Variants in DNAH14 observed in about 807,000 individuals in gnomAD.
The protein encoded by DNAH14 is axonemal beta dynein heavy chain 14.
In DNAH14, 478 loss-of-function variants were observed where a neutral mutation model predicts 520.9. The observed-to-expected ratio is 0.92, with a 90% CI of 0.85 to 0.99. DNAH14 has a LOEUF of 0.99. Among genes scored for constraint, DNAH14 ranks in the 50% least tolerant of loss-of-function variants. The pLI is 0.00. For missense variants in DNAH14, 4,831 were observed against 5,234.5 expected (o/e 0.92, Z 2.38); for synonymous variants, 1,581 against 1,757.2 (o/e 0.90, Z 2.51).
At chr1:225,183,088 C>A (rs2149302580) in intron 36 of DNAH14, among the ~76,000 whole-genome samples, 1 of 152,284 alleles carries the variant, frequency 6.6e-6, no homozygotes, top group East Asian at 1.9e-4. Flanking sequence ...GGAAAGTATG[C>A]AGGGGACTTT....
At chr1:224,987,719 C>T (rs1489861583) in intron 8 of DNAH14, among the ~76,000 whole-genome samples, 1 of 152,168 alleles carries the variant, frequency 6.6e-6, no homozygotes, top group Non-Finnish European at 1.5e-5. Context: ...CTCTGCCTCC[C>T]GGGTTCAAGT....
chr1:225,246,266 C>T (rs1574268154), intron 43 of DNAH14, among the ~76,000 whole-genome samples: 3 of 151,958 alleles, frequency 2.0e-5, no homozygotes, highest in Admixed American at 2.0e-4. Context: ...GACCCAAAAC[C>T]ATAAAAACCC....
At chr1:224,976,024 A>T (rs201476145) in intron 8 of DNAH14, among the ~76,000 whole-genome samples, 2 of 151,452 alleles carry the variant, frequency 1.3e-5, no homozygotes, top group Non-Finnish European at 2.9e-5. Context: ...GTTTCCATGT[A>T]GTTGAGCGGT....
At chr1:225,190,309 C>T (rs1169826341) in intron 37 of DNAH14, among the ~76,000 whole-genome samples, 1 of 151,936 alleles carries the variant, frequency 6.6e-6, no homozygotes, top group East Asian at 1.9e-4. Context: ...ATTATATATA[C>T]TGTATTCACC....
intron 58 of DNAH14, among the ~76,000 whole-genome samples, chr1:225,305,802 T>C (rs2094228352): frequency 6.6e-6 from 1 of 152,142 alleles, no homozygotes; most frequent in Non-Finnish European, 1.5e-5. Context: ...CTGTCACGTA[T>C]CCAGCTAATA....
chr1:225,247,916 G>A (rs530003661), intron 43 of DNAH14, among the ~76,000 whole-genome samples: 17 of 152,294 alleles, frequency 1.1e-4, no homozygotes, highest in Middle Eastern at 6.8e-3. Flanking sequence ...CTACTGGGGA[G>A]GCTGAGGCAG....
intron 1 of DNAH14, among the ~76,000 whole-genome samples, chr1:224,945,658 A>T (rs1187318908): frequency 6.6e-6 from 1 of 152,224 alleles, no homozygotes; most frequent in Non-Finnish European, 1.5e-5. Context: ...TGACGTACAG[A>T]TGGGGTTTTG....
chr1:225,068,706 G>A (rs1314208812), intron 17 of DNAH14, among the ~76,000 whole-genome samples: 1 of 152,044 alleles, frequency 6.6e-6, no homozygotes, highest in Non-Finnish European at 1.5e-5. Flanking sequence ...TCCTTTTGTG[G>A]CAATTGTGAA....
intron 10 of DNAH14, among the ~76,000 whole-genome samples, chr1:225,019,650 T>C (rs1021732367): frequency 1.3e-5 from 2 of 152,184 alleles, no homozygotes; most frequent in South Asian, 2.1e-4. Context: ...TACTCTAAGA[T>C]TGACCACATA....
At chr1:225,194,375 T>C (rs964455711) in intron 38 of DNAH14, among the ~76,000 whole-genome samples, 1 of 152,134 alleles carries the variant, frequency 6.6e-6, no homozygotes, top group Non-Finnish European at 1.5e-5. Flanking sequence ...TACAACCATC[T>C]GATCTTTGAC....
At chr1:225,091,903 A>T (rs764915407) in intron 21 of DNAH14, among the ~76,000 whole-genome samples, 2 of 152,164 alleles carry the variant, frequency 1.3e-5, no homozygotes, top group Non-Finnish European at 2.9e-5. Context: ...GGAAACAGAA[A>T]AAAGCAGGGG....
At chr1:225,363,820 T>G (rs2095521753) in intron 75 of DNAH14, among the ~76,000 whole-genome samples, 1 of 152,212 alleles carries the variant, frequency 6.6e-6, no homozygotes, top group Admixed American at 6.5e-5. Flanking sequence ...TAATCTGTAT[T>G]GTTTAGGAAA....
intron 25 of DNAH14, among the ~76,000 whole-genome samples, chr1:225,118,602 G>A (rs1002822143): frequency 6.6e-6 from 1 of 152,110 alleles, no homozygotes; most frequent in Admixed American, 6.5e-5. Flanking sequence ...AGTGAGGAAG[G>A]CCGGGTGCAG....
At chr1:225,197,240 G>A (rs2149377731) in intron 38 of DNAH14, among the ~76,000 whole-genome samples, 1 of 152,214 alleles carries the variant, frequency 6.6e-6, no homozygotes, top group Admixed American at 6.5e-5. Flanking sequence ...TGAGGATCCA[G>A]TTTCATTCTC....
chr1:224,968,263 T>G (rs1422678229), intron 6 of DNAH14, among the ~76,000 whole-genome samples: 1 of 152,104 alleles, frequency 6.6e-6, no homozygotes, highest in Non-Finnish European at 1.5e-5. Flanking sequence ...CTCTCTGGAA[T>G]AAATTTTTTT....
intron 28 of DNAH14, among the ~76,000 whole-genome samples, chr1:225,143,397 AT>A (rs2079623822): frequency 6.6e-6 from 1 of 151,960 alleles, no homozygotes; most frequent in Non-Finnish European, 1.5e-5. Flanking sequence ...ATAATTTTAA[AT>A]TTTTCTTTTA....
intron 11 of DNAH14, among the ~76,000 whole-genome samples, chr1:225,034,515 T>TTGTGTGTGTGTG (rs71170047): frequency 0.043 from 6,316 of 147,684 alleles, 423 homozygotes; most frequent in African/African-American, 0.14. Context: ...TGGCTTGAAT[T>TTGTGTGTGTGTG]TGTGTGTGTG....
intron 10 of DNAH14, among the ~76,000 whole-genome samples, chr1:225,017,110 T>C (rs1362061087): frequency 3.9e-5 from 6 of 152,122 alleles, no homozygotes; most frequent in African/African-American, 1.4e-4. Context: ...ACATAGTTTC[T>C]TGTTTTTCAA....
intron 72 of DNAH14, among the ~76,000 whole-genome samples, chr1:225,352,936 C>T (rs2095386714): frequency 6.6e-6 from 1 of 151,850 alleles, no homozygotes; most frequent in Admixed American, 6.6e-5. Flanking sequence ...ATATTTGGGA[C>T]CCATAATTTA....
Sources: gnomAD v4.1 joint callset for allele counts (sites outside exome capture counted in the v4.1 genomes callset) on GRCh38, gnomAD v4.1.1 for gene constraint, MANE v1.5 for transcripts, NCBI Gene and HGNC (gene_info 2026-07-23, HGNC 2026-07-21) for gene names.